Variants in TSPAN15 observed in about 807,000 individuals in gnomAD.
TSPAN15 encodes tetraspanin-15.
TSPAN15 carries 20 observed loss-of-function variants against 34.5 expected under a neutral mutation model. That is an observed-to-expected ratio of 0.58 (90% CI 0.41 to 0.84). The LOEUF (loss-of-function observed/expected upper bound fraction) is 0.84. Among genes scored for constraint, TSPAN15 ranks in the 40% least tolerant of loss-of-function variants. TSPAN15 has a pLI of 0.00. For missense variants in TSPAN15, 313 were observed against 386.1 expected, an observed-to-expected ratio of 0.81 and a Z score of 1.59; for synonymous variants, 155 against 153.9, an observed-to-expected ratio of 1.01 and a Z score of -0.05.
the TSPAN15 span, among the ~76,000 whole-genome samples, chr10:69,519,442 A>T: frequency 6.6e-6 from 1 of 152,162 alleles, no homozygotes; most frequent in African/African-American, 2.4e-5. Context: ...TATATTGCTT[A>T]TGGATGTCTA....
At chr10:69,480,884 G>C (rs1841720234) in intron 1 of TSPAN15, among the ~76,000 whole-genome samples, 1 of 152,162 alleles carries the variant, frequency 6.6e-6, no homozygotes, top group African/African-American at 2.4e-5. Flanking sequence ...TTTTAGTAGA[G>C]AAGGGGTTTT....
chr10:69,537,097 G>T, the TSPAN15 span, among the ~76,000 whole-genome samples: 1 of 151,932 alleles, frequency 6.6e-6, no homozygotes, highest in South Asian at 2.1e-4. Flanking sequence ...AGTCACATTA[G>T]GGATTAGGGT....
chr10:69,505,567 C>CTT (rs202092249), intron 6 of TSPAN15, among the ~76,000 whole-genome samples: 4 of 143,360 alleles, frequency 2.8e-5, no homozygotes, highest in African/African-American at 7.7e-5. Context: ...TGCAGAAATG[C>CTT]TTTTTTTTTT....
At chr10:69,469,948 G>A (rs73269816) in intron 1 of TSPAN15, among the ~76,000 whole-genome samples, 9,467 of 152,294 alleles carry the variant, frequency 0.062, 1,016 homozygotes, top group African/African-American at 0.22. Context: ...GGTCTCTCAA[G>A]AGAATCAAAG....
At position 69,451,648 on chromosome 10, in the gene TSPAN15, C is replaced by CA; in HGVS notation, c.54_55insA (p.Trp19MetfsTer30). ...GCTACTGCGCGCGCTTCTCCTACCT[C>CA]TGGCTCAAGTTTTCACTTATCATCT... On this transcript the variant is annotated frameshift_variant, in exon 1 of 8. Transcript: ENST00000373290. LOFTEE classifies it high-confidence loss of function. 6.5e-7 allele frequency: 1 copy of CA among 1,547,718 alleles called. No homozygotes were observed. Among genetic ancestry groups the CA allele is most frequent in the Non-Finnish European group, 8.7e-7 (1 of 1,145,596 alleles).
At chr10:69,542,001 A>G in the TSPAN15 span, among the ~76,000 whole-genome samples, 1 of 152,126 alleles carries the variant, frequency 6.6e-6, no homozygotes, top group African/African-American at 2.4e-5. Context: ...ATGGGCTTGA[A>G]TTTCCCCCTA....
chr10:69,508,687 C>G (rs1376639167), downstream of TSPAN15, among the ~76,000 whole-genome samples: 1 of 152,096 alleles, frequency 6.6e-6, no homozygotes, highest in Non-Finnish European at 1.5e-5. Flanking sequence ...ATATTAACTC[C>G]TTTAATCCTC....
intron 5 of TSPAN15, among the ~76,000 whole-genome samples, chr10:69,503,661 C>G (rs574266997): frequency 6.6e-6 from 1 of 152,134 alleles, no homozygotes; most frequent in Non-Finnish European, 1.5e-5. Flanking sequence ...GCAGCACTCA[C>G]GGCAGCGTTC....
At chr10:69,475,838 T>G (rs1218020157) in intron 1 of TSPAN15, among the ~76,000 whole-genome samples, 1 of 152,098 alleles carries the variant, frequency 6.6e-6, no homozygotes, top group Non-Finnish European at 1.5e-5. Context: ...TTTCTCCAGC[T>G]CAGACACCAT....
chr10:69,501,997 G>A (rs1255857355), intron 5 of TSPAN15, among the ~76,000 whole-genome samples: 1 of 137,998 alleles, frequency 7.2e-6, no homozygotes, highest in Non-Finnish European at 1.5e-5. Context: ...ACCCCATCCT[G>A]TGGAAAAATT....
the TSPAN15 span, among the ~76,000 whole-genome samples, chr10:69,526,075 A>G: frequency 6.8e-6 from 1 of 146,928 alleles, no homozygotes; most frequent in Non-Finnish European, 1.5e-5. Flanking sequence ...ACAAGCCCGG[A>G]TAAGATTGAG....
At chr10:69,539,785 C>T in the TSPAN15 span, among the ~76,000 whole-genome samples, 2 of 152,078 alleles carry the variant, frequency 1.3e-5, no homozygotes, top group Admixed American at 1.3e-4. Flanking sequence ...TACAGCTGCT[C>T]CTGCTCCAGC....
intron 5 of TSPAN15, 81 bp from the exon 6 acceptor site, chr10:69,504,357 A>T (rs987268897): frequency 7.1e-7 from 1 of 1,408,126 alleles, no homozygotes. Flanking sequence ...TTCGGTTTTC[A>T]TCTGTAAAAT....
In TSPAN15 at chr10:69,470,292, G is replaced by A. The variant is rs190060628; in HGVS notation, c.97-13399G>A. Among the ~76,000 whole-genome samples the A allele has an allele frequency of 3.4e-3, 516 of 152,278 alleles. 1 individual carries two copies. Among genetic ancestry groups the A allele is most frequent in the Middle Eastern group, 0.01 (3 of 294 alleles). On this transcript the variant is annotated intron_variant, in intron 1 of 7. Transcript: ENST00000373290. ...TGTGCTATCTGGCCACACCATGGTT[G>A]GCCAGGCTGAACTTGACCAGTCCTC... is the stretch of plus-strand genomic sequence containing the variant.
At chr10:69,502,932 G>A (rs1194290920) in intron 5 of TSPAN15, among the ~76,000 whole-genome samples, 1 of 152,208 alleles carries the variant, frequency 6.6e-6, no homozygotes, top group Non-Finnish European at 1.5e-5. Flanking sequence ...ATGAAGGCAG[G>A]GACTTTGTCT....
the TSPAN15 span, among the ~76,000 whole-genome samples, chr10:69,516,765 A>G: frequency 6.6e-6 from 1 of 152,150 alleles, no homozygotes; most frequent in South Asian, 2.1e-4. Flanking sequence ...TATCCATTTC[A>G]CTGATTCGTT....
chr10:69,477,909 T>C (rs1413451841), intron 1 of TSPAN15, among the ~76,000 whole-genome samples: 1 of 152,114 alleles, frequency 6.6e-6, no homozygotes, highest in South Asian at 2.1e-4. Context: ...TTAAGGGAGA[T>C]GAGATGATGC....
At chr10:69,461,622 G>T (rs1233583138) in intron 1 of TSPAN15, among the ~76,000 whole-genome samples, 1 of 152,154 alleles carries the variant, frequency 6.6e-6, no homozygotes, top group Admixed American at 6.5e-5. Context: ...GGTGCTTGGG[G>T]TCAGAGTGTT....
At chr10:69,537,204 G>A in the TSPAN15 span, among the ~76,000 whole-genome samples, 1 of 151,996 alleles carries the variant, frequency 6.6e-6, no homozygotes, top group African/African-American at 2.4e-5. Context: ...AGGCTGCAGG[G>A]CAACAACCGT....
Sources: gnomAD v4.1 joint callset for allele counts (sites outside exome capture counted in the v4.1 genomes callset) on GRCh38, gnomAD v4.1.1 for gene constraint, MANE v1.5 for transcripts, NCBI Gene and HGNC (gene_info 2026-07-23, HGNC 2026-07-21) for gene names.